The following IL1RAPL2 variants were observed in gnomAD, a reference collection of about 807,000 sequenced individuals.
The protein encoded by IL1RAPL2 is interleukin 1 receptor accessory protein like 2.
In IL1RAPL2, 3 loss-of-function variants were observed where a neutral mutation model predicts 44.1. The observed-to-expected ratio is 0.07, with a 90% CI of 0.03 to 0.18. The LOEUF (loss-of-function observed/expected upper bound fraction) is 0.18. Ranked by LOEUF, IL1RAPL2 falls within the 10% of genes least tolerant of loss-of-function variation. IL1RAPL2 has a pLI of 1.00. For missense variants in IL1RAPL2, 391 were observed against 496.4 expected, an observed-to-expected ratio of 0.79 and a Z score of 2.02; for synonymous variants, 181 against 178.8, an observed-to-expected ratio of 1.01 and a Z score of -0.10.
chrX:104,946,196 C>T (rs1925344044), intron 2 of IL1RAPL2, among the ~76,000 whole-genome samples: 1 of 101,099 alleles, frequency 9.9e-6, no homozygotes, highest in African/African-American at 3.6e-5. Context: ...CAAGGTGAAA[C>T]CCCGTCTCTA....
intron 2 of IL1RAPL2, among the ~76,000 whole-genome samples, chrX:104,708,780 G>T (rs1341773968): frequency 9.0e-6 from 1 of 110,553 alleles, no homozygotes; most frequent in Non-Finnish European, 1.9e-5. Flanking sequence ...TGACCTTAAA[G>T]TTGTTATAAT....
chrX:104,816,652 T>C (rs1277665247), intron 2 of IL1RAPL2, among the ~76,000 whole-genome samples: 7 of 112,354 alleles, frequency 6.2e-5, no homozygotes, highest in East Asian at 2.8e-4. Context: ...AAATGTATGA[T>C]AGGCAGTTTG....
chrX:105,709,371 A>C (rs762124317), intron 6 of IL1RAPL2, among the ~76,000 whole-genome samples: 1 of 112,111 alleles, frequency 8.9e-6, no homozygotes, highest in Non-Finnish European at 1.9e-5. Context: ...TAAAGTTAAA[A>C]GCTACCTGAG....
intron 5 of IL1RAPL2, among the ~76,000 whole-genome samples, chrX:105,356,089 TA>T (rs1265246491): frequency 9.0e-6 from 1 of 110,548 alleles, no homozygotes; most frequent in Non-Finnish European, 1.9e-5. Flanking sequence ...TTCAAGGTAA[TA>T]AAAAATGTAA....
At chrX:105,104,286 G>A (rs1321339131) in intron 2 of IL1RAPL2, among the ~76,000 whole-genome samples, 1 of 111,496 alleles carries the variant, frequency 9.0e-6, no homozygotes, top group African/African-American at 3.3e-5. Flanking sequence ...TTTGGAGAAA[G>A]TTTCAGAAAA....
intron 6 of IL1RAPL2, among the ~76,000 whole-genome samples, chrX:105,697,124 G>A (rs977240873): frequency 9.1e-6 from 1 of 109,952 alleles, no homozygotes. Flanking sequence ...TAGAGCTCTC[G>A]AGAGCTCATT....
chrX:105,024,069 C>T, intron 2 of IL1RAPL2, among the ~76,000 whole-genome samples: 1 of 111,505 alleles, frequency 9.0e-6, no homozygotes, highest in Non-Finnish European at 1.9e-5. Context: ...AAATGAGCCT[C>T]TTCATGTATT....
intron 2 of IL1RAPL2, among the ~76,000 whole-genome samples, chrX:104,854,683 A>C (rs1922311744): frequency 9.1e-6 from 1 of 109,789 alleles, no homozygotes; most frequent in Admixed American, 9.8e-5. Flanking sequence ...TGGAGATGCT[A>C]TAGTAGAAAT....
At chrX:104,957,229 T>G (rs1457721656) in intron 2 of IL1RAPL2, among the ~76,000 whole-genome samples, 1 of 107,002 alleles carries the variant, frequency 9.3e-6, no homozygotes, top group Non-Finnish European at 1.9e-5. Context: ...ACCAAGGGTG[T>G]CAAACACTGG....
chrX:105,635,181 A>G (rs1666359893), intron 6 of IL1RAPL2, among the ~76,000 whole-genome samples: 1 of 111,884 alleles, frequency 8.9e-6, no homozygotes, highest in African/African-American at 3.2e-5. Context: ...TTGTGGTGCT[A>G]GTGACAGAAA....
chrX:104,872,512 A>G lies in IL1RAPL2; in HGVS notation c.82+213517A>G, dbSNP rs1220231757. 3.6e-5 allele frequency among the ~76,000 whole-genome samples: 4 copies of G among 111,806 alleles called. No individual in the cohort carries two copies. The Admixed American group carries it at 3.8e-4, about 11-fold the overall frequency. On this transcript the variant is annotated intron_variant, in intron 2 of 10. Coordinates refer to ENST00000372582, the MANE Select transcript of IL1RAPL2 (RefSeq NM_017416.2). ...TCTGCCTCTGACTTTTGTCAAGGTCACAAGCTTGGTAAAAACCAAGGAGCT... is the reference window on the plus strand; with the variant it reads ...TCTGCCTCTGACTTTTGTCAAGGTCGCAAGCTTGGTAAAAACCAAGGAGCT...
At chrX:104,628,609 A>G (rs2148010810) in intron 1 of IL1RAPL2, among the ~76,000 whole-genome samples, 1 of 112,189 alleles carries the variant, frequency 8.9e-6, no homozygotes, top group Admixed American at 9.5e-5. Flanking sequence ...ATGGAGGTCC[A>G]GGTATCTATT....
intron 1 of IL1RAPL2, among the ~76,000 whole-genome samples, chrX:104,642,539 C>T (rs1244732410): frequency 9.0e-6 from 1 of 110,577 alleles, no homozygotes; most frequent in Non-Finnish European, 1.9e-5. Flanking sequence ...GGCTGGAGTC[C>T]AATGGCACGA....
intron 2 of IL1RAPL2, among the ~76,000 whole-genome samples, chrX:105,078,161 G>A (rs1234744139): frequency 2.7e-5 from 3 of 111,377 alleles, no homozygotes; most frequent in African/African-American, 6.5e-5. Flanking sequence ...CATCTTTGTG[G>A]CTTTATCTAC....
rs184255556 is a variant in IL1RAPL2, at chrX:104,607,768, T to C, written c.-20+40717T>C. 5.7e-3 allele frequency among the ~76,000 whole-genome samples: 637 copies of C among 112,251 alleles called. 2 individuals are homozygous for C. The highest frequency in any genetic ancestry group is 0.014 in the Middle Eastern group (3 of 215). On this transcript the variant is annotated intron_variant, in intron 1 of 10. Coordinates refer to ENST00000372582, the MANE Select transcript of IL1RAPL2 (RefSeq NM_017416.2). ...GGATGTGGAGAAATAGGGATGCTTT[T>C]ACACTGTTGGTGGGAGTGTAAATTA...
chrX:105,720,714 A>G (rs777840596), intron 7 of IL1RAPL2, among the ~76,000 whole-genome samples: 1 of 111,313 alleles, frequency 9.0e-6, no homozygotes, highest in Non-Finnish European at 1.9e-5. Flanking sequence ...CTCTTGCCTG[A>G]ATAGCTAGAC....
intron 5 of IL1RAPL2, chrX:105,406,443 A>G: frequency 4.2e-6 from 5 of 1,180,592 alleles, no homozygotes; most frequent in Non-Finnish European, 5.8e-6. Flanking sequence ...GTGGCAATAA[A>G]GAATTCTCAA....
chrX:105,143,187 C>T (rs1358709253), intron 2 of IL1RAPL2, among the ~76,000 whole-genome samples: 3 of 111,135 alleles, frequency 2.7e-5, no homozygotes, highest in Admixed American at 1.9e-4. Context: ...ATTTTTGCAA[C>T]CTACTCATCT....
chrX:105,680,478 C>T (rs190611607), intron 6 of IL1RAPL2, among the ~76,000 whole-genome samples: 1 of 112,071 alleles, frequency 8.9e-6, no homozygotes, highest in African/African-American at 3.2e-5. Flanking sequence ...TTAAAAGTAT[C>T]TGTTCATATC....
Sources: allele counts gnomAD v4.1 joint callset (sites outside exome capture counted in the v4.1 genomes callset), GRCh38; gene constraint gnomAD v4.1.1; transcripts MANE v1.5; gene names NCBI Gene and HGNC (gene_info 2026-07-23, HGNC 2026-07-21).